The following PCDHGA1 variants were observed in gnomAD, a reference collection of about 807,000 sequenced individuals.
PCDHGA1 encodes the protein protocadherin gamma subfamily A, 1, also known as protocadherin gamma-A1.
In PCDHGA1, 32 loss-of-function variants were observed where a neutral mutation model predicts 58.0. That is an observed-to-expected ratio of 0.55 (90% CI 0.42 to 0.74). PCDHGA1 has a LOEUF of 0.74. PCDHGA1 is among the 30% of genes least tolerant of loss of function. The pLI is 0.00. For missense variants in PCDHGA1, 1,205 were observed against 1,182.3 expected (o/e 1.02, Z -0.28); for synonymous variants, 498 against 501.1 (o/e 0.99, Z 0.08).
rs1404153764 is a variant in PCDHGA1 at position 141,364,593 on chromosome 5, G to A, written c.2421+31488G>A. On this transcript the variant is annotated intron_variant, in intron 1 of 3. Transcript: ENST00000517417. ...CGAAGCGGCAGCTTGGTCACCGCGG[G>A]CAGGATAGACCGGGAGGAGCTCTGC... 1.9e-6 allele frequency: 3 copies of A among 1,614,214 alleles called. No homozygotes were observed. The South Asian group carries it at 3.3e-5, about 18-fold the overall frequency.
At chr5:141,435,805 T>C (rs2097780946) in intron 1 of PCDHGA1, among the ~76,000 whole-genome samples, 1 of 152,178 alleles carries the variant, frequency 6.6e-6, no homozygotes, top group African/African-American at 2.4e-5. Flanking sequence ...GTCCCAATTA[T>C]TTTTTCTTTC....
intron 1 of PCDHGA1, among the ~76,000 whole-genome samples, chr5:141,466,080 C>A (rs1186062704): frequency 6.6e-6 from 1 of 152,108 alleles, no homozygotes; most frequent in East Asian, 1.9e-4. Flanking sequence ...TGATATCATG[C>A]CACTGCACTC....
At chr5:141,455,634 G>T (rs1429708887) in intron 1 of PCDHGA1, among the ~76,000 whole-genome samples, 1 of 152,110 alleles carries the variant, frequency 6.6e-6, no homozygotes, top group African/African-American at 2.4e-5. Context: ...GAGATATGTG[G>T]GGGGCAGCCA....
chr5:141,422,853 C>T (rs746989617), intron 1 of PCDHGA1: 8 of 1,614,264 alleles, frequency 5.0e-6, no homozygotes, highest in South Asian at 3.3e-5. Flanking sequence ...GGGACCCGCC[C>T]CTCAGCAGCA....
chr5:141,377,417 G>A (rs1773959916), intron 1 of PCDHGA1: 1 of 152,028 alleles, frequency 6.6e-6, no homozygotes, highest in Non-Finnish European at 1.5e-5. Context: ...ACCAGCCTGG[G>A]TGACTCTGTC....
intron 1 of PCDHGA1, chr5:141,388,630 T>G (rs754073337): frequency 6.2e-7 from 1 of 1,613,816 alleles, no homozygotes; most frequent in Admixed American, 1.7e-5. Context: ...GTATACAGGG[T>G]GAGCCTTTCA....
At chr5:141,376,675 C>CTTT in intron 1 of PCDHGA1, 7 of 345,068 alleles carry the variant, frequency 2.0e-5, no homozygotes, top group Admixed American at 4.8e-5. Context: ...GTGAGGGTAT[C>CTTT]GTTTTTTTTT....
intron 1 of PCDHGA1, chr5:141,371,109 C>A (rs781398183): frequency 6.2e-7 from 1 of 1,613,836 alleles, no homozygotes; most frequent in South Asian, 1.1e-5. Context: ...AAATGATAAC[C>A]CCCCAGTATT....
At chr5:141,376,677 T>TG in intron 1 of PCDHGA1, 1 of 105,326 alleles carries the variant, frequency 9.5e-6, no homozygotes, top group Non-Finnish European at 1.5e-5. Context: ...GAGGGTATCG[T>TG]TTTTTTTTTT....
In PCDHGA1 at chr5:141,332,070, C is replaced by A. The variant is rs780431560; in HGVS notation, c.1386C>A (p.Pro462=). Residue 462 remains proline, a synonymous_variant, in exon 1 of 4, where the codon CCC becomes CCA. Transcript: ENST00000517417. This position sits in a 1 kb window ranked among gnomAD's most constrained non-coding sequence, Gnocchi z 4.6. ...FHQDSYSAYI[P]ENNPRGASIF... is the part of the protein sequence containing the mutation. ...AGGACTCCTACTCTGCCTACATTCC[C>A]GAAAACAACCCCAGAGGAGCCTCCA... is the stretch of plus-strand genomic sequence containing the variant. The A allele has an allele frequency of 8.1e-6, 13 of 1,614,018 alleles. No individual in the cohort carries two copies. The highest frequency in any genetic ancestry group is 9.3e-6 in the Non-Finnish European group (11 of 1,180,042).
intron 1 of PCDHGA1, chr5:141,374,105 C>T: frequency 6.4e-7 from 1 of 1,572,258 alleles, no homozygotes; most frequent in Non-Finnish European, 8.6e-7. Flanking sequence ...GCAGAGGCAT[C>T]CGCAGCGCAG....
Position 141,477,098 on chromosome 5 carries a change from G to A in PCDHGA1, c.2422-17709G>A, listed in dbSNP as rs1562059777. 1.9e-6 allele frequency: 3 copies of A among 1,614,124 alleles called. No individual in the cohort carries two copies. The highest frequency in any genetic ancestry group is 3.3e-5 in the Admixed American group (2 of 60,008). The stretch of plus-strand genomic sequence containing the variant: ...GATTTACATCCAGGCCAAAGACAAG[G>A]GCGCCAATCCCGAAGGAGCACATTG... On this transcript the variant is annotated intron_variant, in intron 1 of 3. Coordinates refer to ENST00000517417, the MANE Select transcript of PCDHGA1 (RefSeq NM_018912.3). This position sits in a 1 kb window ranked among gnomAD's most constrained non-coding sequence, Gnocchi z 4.9.
At chr5:141,415,935 C>T (rs2095972319) in intron 1 of PCDHGA1, 1 of 601,888 alleles carries the variant, frequency 1.7e-6, no homozygotes, top group Non-Finnish European at 2.4e-6. Flanking sequence ...TTTATATTTC[C>T]TCCTGGGTGG....
At position 141,477,100 on chromosome 5, in the gene PCDHGA1, C is replaced by A. The variant is rs970613825; in HGVS notation, c.2422-17707C>A. On this transcript the variant is annotated intron_variant, in intron 1 of 3. Transcript: ENST00000517417. This position sits in a 1 kb window ranked among gnomAD's most constrained non-coding sequence, Gnocchi z 4.9. ...TTTACATCCAGGCCAAAGACAAGGGCGCCAATCCCGAAGGAGCACATTGCA... is the reference window on the plus strand; with the variant it reads ...TTTACATCCAGGCCAAAGACAAGGGAGCCAATCCCGAAGGAGCACATTGCA... 1 of 1,614,216 alleles carries A rather than the reference C, an allele frequency of 6.2e-7. No homozygotes were observed. Among genetic ancestry groups the A allele is most frequent in the Non-Finnish European group, 8.5e-7 (1 of 1,180,040 alleles).
intron 1 of PCDHGA1, among the ~76,000 whole-genome samples, chr5:141,475,380 T>A (rs2099362720): frequency 6.6e-6 from 1 of 152,244 alleles, no homozygotes; most frequent in South Asian, 2.1e-4. Flanking sequence ...TACTTTTAAA[T>A]TTTATAAGCC....
chr5:141,463,480 G>A (rs964539275), intron 1 of PCDHGA1, among the ~76,000 whole-genome samples: 3 of 114,320 alleles, frequency 2.6e-5, no homozygotes, highest in African/African-American at 1.1e-4. Context: ...ATGGAGTCTC[G>A]CTCTGTCACC....
chr5:141,346,428 G>A lies in PCDHGA1; in HGVS notation c.2421+13323G>A, dbSNP rs1173251746. The stretch of plus-strand genomic sequence containing the variant: ...TCTTCTGATAACTCAGGATTTACTT[G>A]AAATGAAAGGAGATTCCAACCTACT... On this transcript the variant is annotated intron_variant, in intron 1 of 3. Coordinates refer to ENST00000517417, the MANE Select transcript of PCDHGA1 (RefSeq NM_018912.3). 1 of 1,614,218 alleles carries A rather than the reference G, an allele frequency of 6.2e-7. No homozygotes were observed. The highest frequency in any genetic ancestry group is 8.5e-7 in the Non-Finnish European group (1 of 1,180,042).
intron 1 of PCDHGA1, chr5:141,395,037 G>A: frequency 1.9e-6 from 3 of 1,614,134 alleles, no homozygotes; most frequent in Non-Finnish European, 2.5e-6. Flanking sequence ...ACATTTTGTG[G>A]GTGTTGAGGA....
At chr5:141,453,544 C>T (rs540372287) in intron 1 of PCDHGA1, among the ~76,000 whole-genome samples, 12 of 152,310 alleles carry the variant, frequency 7.9e-5, no homozygotes, top group African/African-American at 2.9e-4. Flanking sequence ...ATTCACACCA[C>T]ACTCTGTAGA....
Sources: allele counts gnomAD v4.1 joint callset (sites outside exome capture counted in the v4.1 genomes callset), GRCh38; gene constraint gnomAD v4.1.1; non-coding constraint Gnocchi (gnomAD v3.1); transcripts MANE v1.5; gene names NCBI Gene and HGNC (gene_info 2026-07-23, HGNC 2026-07-21).